TOMM20L: variants seen among roughly 807,000 people sequenced by gnomAD.
TOMM20L encodes translocase of outer mitochondrial membrane 20 like.
Under a neutral mutation model 20.4 loss-of-function variants are expected in TOMM20L, and 19 were observed. That is an observed-to-expected ratio of 0.93 (90% CI 0.65 to 1.36). The LOEUF (loss-of-function observed/expected upper bound fraction) is 1.36. TOMM20L is among the 40% of genes most tolerant of loss of function. TOMM20L has a pLI of 0.00. For synonymous variants in TOMM20L, 75 were observed against 79.6 expected, an observed-to-expected ratio of 0.94 and a Z score of 0.30; for missense variants, 218 against 203.7, an observed-to-expected ratio of 1.07 and a Z score of -0.43.
At chr14:58,412,419 C>T (rs749762551), downstream of TOMM20L, among the ~76,000 whole-genome samples, 3 of 152,208 alleles carry the variant, frequency 2.0e-5, no homozygotes, top group Admixed American at 6.5e-5. Context: ...GGATTACAGG[C>T]GTTAGCCGCC....
At chr14:58,398,430 C>T (rs911823615) in intron 2 of TOMM20L, 9 of 152,170 alleles carry the variant, frequency 5.9e-5, no homozygotes, top group Non-Finnish European at 1.0e-4. Flanking sequence ...AGAGAGATAG[C>T]TGAGGGTCAG....
downstream of TOMM20L, among the ~76,000 whole-genome samples, chr14:58,411,245 C>G (rs955173249): frequency 6.6e-6 from 1 of 151,842 alleles, no homozygotes; most frequent in South Asian, 2.1e-4. Context: ...GTCAGGAGTT[C>G]GAGACCAGCC....
the TOMM20L span, among the ~76,000 whole-genome samples, chr14:58,416,560 A>T: frequency 6.6e-6 from 1 of 152,216 alleles, no homozygotes; most frequent in African/African-American, 2.4e-5. Flanking sequence ...AACGAAGAAA[A>T]TGATAAAAGT....
the TOMM20L span, among the ~76,000 whole-genome samples, chr14:58,415,710 G>A: frequency 6.6e-6 from 1 of 152,114 alleles, no homozygotes; most frequent in Non-Finnish European, 1.5e-5. Flanking sequence ...AGGACTTGTA[G>A]AAGTATAAAA....
Position 58,396,310 on chromosome 14 carries a change from A to G in TOMM20L, c.149A>G (p.Glu50Gly). ...KRRLRDKRRAEPQKAEEQGTQ... is the reference protein window; with the variant it reads ...KRRLRDKRRAGPQKAEEQGTQ... Reference sequence around the variant, plus strand: ...GTTGTGTTCGCAGAAAGAAGAGCAGAGCCTCAAAAGGCTGAGGAGCAGGGC... The same window carrying G: ...GTTGTGTTCGCAGAAAGAAGAGCAGGGCCTCAAAAGGCTGAGGAGCAGGGC... Residue 50 changes from glutamate (E) to glycine (G), a missense_variant, in exon 2 of 5, where the codon GAG becomes GGG. By Grantham distance (98) the Glu-to-Gly change is moderately conservative. Coordinates refer to ENST00000360945, the MANE Select transcript of TOMM20L (RefSeq NM_207377.3). The G allele has an allele frequency of 6.2e-7, 1 of 1,613,310 alleles. No individual in the cohort carries two copies. Among genetic ancestry groups the G allele is most frequent in the Non-Finnish European group, 8.5e-7 (1 of 1,179,836 alleles).
the TOMM20L span, among the ~76,000 whole-genome samples, chr14:58,417,066 C>T: frequency 3.3e-5 from 5 of 152,126 alleles, no homozygotes; most frequent in Admixed American, 3.3e-4. Context: ...CAAGATCTGA[C>T]GGTTTTATCA....
At chr14:58,405,342 G>A (rs2036044838) in intron 3 of TOMM20L, among the ~76,000 whole-genome samples, 1 of 152,102 alleles carries the variant, frequency 6.6e-6, no homozygotes, top group Non-Finnish European at 1.5e-5. Context: ...GGGAAAGAAA[G>A]TTCTGAATTA....
At chr14:58,410,592 A>G (rs113450333), downstream of TOMM20L, among the ~76,000 whole-genome samples, 1 of 152,176 alleles carries the variant, frequency 6.6e-6, no homozygotes, top group African/African-American at 2.4e-5. Context: ...CTTTGTTGTG[A>G]AACAGTAACT....
downstream of TOMM20L, among the ~76,000 whole-genome samples, chr14:58,409,332 TTTCA>T (rs1465740768): frequency 6.6e-6 from 1 of 152,220 alleles, no homozygotes; most frequent in African/African-American, 2.4e-5. Context: ...TAATTGATAC[TTTCA>T]TTCACTGACA....
downstream of TOMM20L, among the ~76,000 whole-genome samples, chr14:58,409,524 T>C (rs534114837): frequency 6.6e-6 from 1 of 152,310 alleles, no homozygotes; most frequent in East Asian, 1.9e-4. Context: ...TGTTCCTTTT[T>C]AATGAGAAAA....
chr14:58,406,904 AT>A (rs1263096174), intron 3 of TOMM20L, among the ~76,000 whole-genome samples: 6 of 151,836 alleles, frequency 4.0e-5, no homozygotes, highest in Non-Finnish European at 7.4e-5. Context: ...AGTGAAATCT[AT>A]TTTTTTTAAG....
chr14:58,411,335 C>G (rs1307762550), downstream of TOMM20L, among the ~76,000 whole-genome samples: 3 of 151,830 alleles, frequency 2.0e-5, no homozygotes, highest in Non-Finnish European at 4.4e-5. Flanking sequence ...GTAATCCCAG[C>G]TACTCAGGAG....
chr14:58,408,169 C>G (rs1308030795), intron 4 of TOMM20L, among the ~76,000 whole-genome samples: 1 of 152,096 alleles, frequency 6.6e-6, no homozygotes, highest in African/African-American at 2.4e-5. Flanking sequence ...GTAATCCTAG[C>G]ACTTTGGGAG....
chr14:58,412,400 A>G (rs1366924496), downstream of TOMM20L, among the ~76,000 whole-genome samples: 1 of 152,172 alleles, frequency 6.6e-6, no homozygotes, highest in Admixed American at 6.5e-5. Flanking sequence ...TCGGCTTCCC[A>G]AAGTGCTGGG....
chr14:58,416,688 C>G, the TOMM20L span, among the ~76,000 whole-genome samples: 2 of 152,202 alleles, frequency 1.3e-5, no homozygotes, highest in Admixed American at 1.3e-4. Flanking sequence ...TATTGTGGTT[C>G]TAAATGTATG....
downstream of TOMM20L, among the ~76,000 whole-genome samples, chr14:58,413,097 T>C (rs1376791529): frequency 3.3e-5 from 5 of 152,190 alleles, no homozygotes; most frequent in Non-Finnish European, 5.9e-5. Flanking sequence ...TAAAAAGTAT[T>C]AATAAGACAT....
At chr14:58,413,206 TG>T (rs549584848), downstream of TOMM20L, among the ~76,000 whole-genome samples, 50 of 152,290 alleles carry the variant, frequency 3.3e-4, no homozygotes, top group Non-Finnish European at 5.9e-5. Flanking sequence ...CAGAAATACT[TG>T]GCCTATATTT....
downstream of TOMM20L, among the ~76,000 whole-genome samples, chr14:58,409,421 T>G (rs976683497): frequency 1.3e-5 from 2 of 152,198 alleles, no homozygotes; most frequent in Non-Finnish European, 2.9e-5. Flanking sequence ...TTCAAAAAGC[T>G]TCTGGACTAG....
At chr14:58,402,908 T>C in intron 3 of TOMM20L, 147 bp downstream of exon 3, 1 of 637,508 alleles carries the variant, frequency 1.6e-6, no homozygotes, top group Non-Finnish European at 2.8e-6. Context: ...GTTCACTTCA[T>C]CATACTGTAC....
Sources: allele counts gnomAD v4.1 joint callset (sites outside exome capture counted in the v4.1 genomes callset), GRCh38; gene constraint gnomAD v4.1.1; transcripts MANE v1.5; gene names NCBI Gene and HGNC (gene_info 2026-07-23, HGNC 2026-07-21).